Variants in PDE4D observed in about 807,000 individuals in gnomAD.
The protein encoded by PDE4D is 3',5'-cyclic-AMP phosphodiesterase 4D.
A neutral mutation model predicts 87.4 loss-of-function variants in PDE4D; 24 were observed. The observed-to-expected ratio is 0.27, with a 90% CI of 0.20 to 0.39. The LOEUF (loss-of-function observed/expected upper bound fraction) is 0.39. Ranked by LOEUF, PDE4D falls within the 10% of genes least tolerant of loss-of-function variation. The pLI is 1.00. For missense variants in PDE4D, 714 were observed against 1,041.0 expected (o/e 0.69, Z 4.32); for synonymous variants, 384 against 383.2 (o/e 1.00, Z -0.02).
At chr5:60,492,581 T>A (rs945004517), upstream of PDE4D, among the ~76,000 whole-genome samples, 2 of 152,196 alleles carry the variant, frequency 1.3e-5, no homozygotes, top group Non-Finnish European at 2.9e-5. Flanking sequence ...GATGAGATCA[T>A]GTCCTTTGCA....
chr5:60,119,296 A>T lies in PDE4D; in HGVS notation c.42+66261T>A, dbSNP rs115090532. Among the ~76,000 whole-genome samples, 1,080 of 152,302 alleles carry T rather than the reference A, an allele frequency of 7.1e-3. 22 individuals carry two copies. Among genetic ancestry groups the T allele is most frequent in the East Asian group, 0.046 (241 of 5,188 alleles). ...ATAATAGTTTACAATTTGACTGAACACCTAAGAAAGTTCTGTAAGTTTCAG... is the reference window on the plus strand; with the variant it reads ...ATAATAGTTTACAATTTGACTGAACTCCTAAGAAAGTTCTGTAAGTTTCAG... On this transcript the variant is annotated intron_variant, in intron 2 of 16. Coordinates refer to the PDE4D transcript ENST00000502484.
At chr5:59,897,444 AT>A (rs34211732), upstream of PDE4D, among the ~76,000 whole-genome samples, 78 of 147,398 alleles carry the variant, frequency 5.3e-4, no homozygotes, top group African/African-American at 1.1e-3. Flanking sequence ...TGGGAGGAGG[AT>A]TTTTTTTTTT....
intron 1 of PDE4D, among the ~76,000 whole-genome samples, chr5:60,274,070 C>T (rs1157394474): frequency 3.3e-5 from 5 of 152,106 alleles, no homozygotes; most frequent in Admixed American, 3.3e-4. Context: ...TGATCCTCTC[C>T]TGATACACTG....
At chr5:60,268,103 A>G (rs555629671) in intron 1 of PDE4D, among the ~76,000 whole-genome samples, 10 of 152,196 alleles carry the variant, frequency 6.6e-5, no homozygotes, top group East Asian at 1.9e-4. Flanking sequence ...ACCAAGCACA[A>G]TGAAAAATTC....
chr5:59,018,958 T>TA (rs1754574128), intron 6 of PDE4D, among the ~76,000 whole-genome samples: 1 of 151,428 alleles, frequency 6.6e-6, no homozygotes, highest in African/African-American at 2.4e-5. Flanking sequence ...TTTTTTTTTT[T>TA]AACCAGAAAT....
At chr5:60,510,466 T>C (rs550831889) in intron 1 of PDE4D, among the ~76,000 whole-genome samples, 104 of 152,304 alleles carry the variant, frequency 6.8e-4, no homozygotes, top group African/African-American at 2.5e-3. Context: ...ATGGTGTTTC[T>C]CTTATATCTT....
intron 1 of PDE4D, among the ~76,000 whole-genome samples, chr5:59,704,260 T>C (rs941328384): frequency 2.0e-5 from 3 of 152,194 alleles, no homozygotes; most frequent in African/African-American, 7.2e-5. Context: ...TTTATTAAAC[T>C]GAAAGCAGAG....
chr5:59,560,589 G>A (rs1207688816), intron 1 of PDE4D, among the ~76,000 whole-genome samples: 1 of 152,192 alleles, frequency 6.6e-6, no homozygotes, highest in African/African-American at 2.4e-5. Flanking sequence ...TTAGGTTCAA[G>A]TTTTCACAGG....
At chr5:60,259,162 C>T (rs908505202) in intron 1 of PDE4D, among the ~76,000 whole-genome samples, 2 of 151,906 alleles carry the variant, frequency 1.3e-5, no homozygotes, top group African/African-American at 4.8e-5. Flanking sequence ...TTATAAAACA[C>T]TAGGTATCAA....
intron 1 of PDE4D, among the ~76,000 whole-genome samples, chr5:59,618,648 A>C (rs978024412): frequency 6.6e-6 from 1 of 152,176 alleles, no homozygotes; most frequent in Non-Finnish European, 1.5e-5. Context: ...CCAAACACAG[A>C]GGATACAGTC....
chr5:60,185,466 T>C, intron 2 of PDE4D: 1 of 729,780 alleles, frequency 1.4e-6, no homozygotes, highest in Non-Finnish European at 2.3e-6. Flanking sequence ...ACAAGCCTAA[T>C]CATGATAGCA....
chr5:59,076,064 G>T (rs751793618), intron 5 of PDE4D, among the ~76,000 whole-genome samples: 1 of 152,076 alleles, frequency 6.6e-6, no homozygotes, highest in Non-Finnish European at 1.5e-5. Context: ...CAGAAGGAAG[G>T]CTAAAGAGAC....
intron 1 of PDE4D, among the ~76,000 whole-genome samples, chr5:60,337,351 C>A (rs1217724719): frequency 3.7e-4 from 23 of 62,248 alleles, no homozygotes; most frequent in Middle Eastern, 9.4e-3. Flanking sequence ...AACAAACAAA[C>A]TATATATATA....
chr5:59,965,133 T>G (rs1357206571), intron 3 of PDE4D, among the ~76,000 whole-genome samples: 1 of 152,220 alleles, frequency 6.6e-6, no homozygotes, highest in Non-Finnish European at 1.5e-5. Context: ...TAGTCCCTTC[T>G]GTTGTACACT....
chr5:59,420,274 C>T (rs909926189), intron 1 of PDE4D, among the ~76,000 whole-genome samples: 7 of 152,138 alleles, frequency 4.6e-5, no homozygotes, highest in African/African-American at 7.2e-5. Context: ...CCCATTGTAA[C>T]CCAAATCCTA....
Position 60,344,998 on chromosome 5 carries a change from T to A in PDE4D, c.-90+142944A>T, listed in dbSNP as rs562466995. 1.4e-4 allele frequency among the ~76,000 whole-genome samples: 21 copies of A among 151,634 alleles called. 1 individual carries two copies. In the South Asian group the frequency reaches 4.3e-3, roughly 31 times the overall value. On this transcript the variant is annotated intron_variant, in intron 1 of 16. Transcript: ENST00000502484. ...ATAATATTTATTAATACTTTGACTT[T>A]TTTTGCAATCTTTTAATTTTTTGTC... is the stretch of plus-strand genomic sequence containing the variant.
At chr5:60,070,391 A>G (rs1297191826) in intron 2 of PDE4D, among the ~76,000 whole-genome samples, 1 of 152,106 alleles carries the variant, frequency 6.6e-6, no homozygotes. Context: ...ATCTATTACT[A>G]GTTTGAGTTT....
chr5:59,473,803 G>A (rs1802852038), intron 1 of PDE4D, among the ~76,000 whole-genome samples: 1 of 152,150 alleles, frequency 6.6e-6, no homozygotes, highest in African/African-American at 2.4e-5. Flanking sequence ...CACTAAGGAA[G>A]CCATAAAGTA....
chr5:60,152,302 T>C (rs1303074567), intron 2 of PDE4D, among the ~76,000 whole-genome samples: 1 of 152,172 alleles, frequency 6.6e-6, no homozygotes, highest in African/African-American at 2.4e-5. Context: ...TTCTTCATTT[T>C]TTGGGAAGAG....
Sources: gnomAD v4.1 joint callset for allele counts (sites outside exome capture counted in the v4.1 genomes callset) on GRCh38, gnomAD v4.1.1 for gene constraint, MANE v1.5 for transcripts, NCBI Gene and HGNC (gene_info 2026-07-23, HGNC 2026-07-21) for gene names.